SGCZ: variants seen among roughly 807,000 people sequenced by gnomAD.
The protein encoded by SGCZ is sarcoglycan zeta.
A neutral mutation model predicts 41.3 loss-of-function variants in SGCZ; 40 were observed. That is an observed-to-expected ratio of 0.97 (90% CI 0.75 to 1.26). SGCZ has a LOEUF of 1.26. Among genes scored for constraint, SGCZ ranks in the 50% most tolerant of loss-of-function variants. The pLI, the probability that SGCZ is intolerant of heterozygous loss-of-function variation, is 0.00. For missense variants in SGCZ, 552 were observed against 369.8 expected, an observed-to-expected ratio of 1.49 and a Z score of -4.04; for synonymous variants, 206 against 137.5, an observed-to-expected ratio of 1.50 and a Z score of -3.49.
At chr8:15,037,843 T>A (rs1452835566) in intron 1 of SGCZ, among the ~76,000 whole-genome samples, 2 of 152,080 alleles carry the variant, frequency 1.3e-5, no homozygotes, top group South Asian at 4.1e-4. Context: ...ATAAACACTT[T>A]GAAAAATCAA....
intron 4 of SGCZ, among the ~76,000 whole-genome samples, chr8:14,225,525 G>A (rs1259785741): frequency 1.3e-5 from 2 of 152,058 alleles, no homozygotes; most frequent in Non-Finnish European, 2.9e-5. Flanking sequence ...ATAGTCAGGT[G>A]TAATCATAGC....
chr8:15,210,577 A>T (rs1187778864), intron 1 of SGCZ, among the ~76,000 whole-genome samples: 1 of 152,114 alleles, frequency 6.6e-6, no homozygotes, highest in Non-Finnish European at 1.5e-5. Flanking sequence ...TGACTTTGTA[A>T]CCACTCACTT....
At chr8:14,785,645 T>C (rs1465416318) in intron 1 of SGCZ, among the ~76,000 whole-genome samples, 2 of 152,308 alleles carry the variant, frequency 1.3e-5, no homozygotes, top group East Asian at 3.9e-4. Flanking sequence ...ATTTTTGCAG[T>C]ACCATAACTT....
intron 1 of SGCZ, among the ~76,000 whole-genome samples, chr8:14,856,195 G>C (rs1585322179): frequency 6.6e-6 from 1 of 152,142 alleles, no homozygotes; most frequent in Non-Finnish European, 1.5e-5. Context: ...GCTAAGATTA[G>C]TTATTTAGCG....
intron 1 of SGCZ, among the ~76,000 whole-genome samples, chr8:14,626,032 T>A (rs1225973142): frequency 6.6e-6 from 1 of 152,168 alleles, no homozygotes. Context: ...AGGGCAGACA[T>A]ATGAGGAATA....
chr8:14,993,506 T>A (rs903153246), intron 1 of SGCZ, among the ~76,000 whole-genome samples: 2 of 152,016 alleles, frequency 1.3e-5, no homozygotes, highest in African/African-American at 4.8e-5. Context: ...ATGAGTGCTA[T>A]GAAGAAAAAC....
chr8:14,162,439 C>G (rs1350571648), intron 5 of SGCZ: 1 of 152,068 alleles, frequency 6.6e-6, no homozygotes, highest in Non-Finnish European at 1.5e-5. Flanking sequence ...GCATTTCTAC[C>G]CTAAGGAACC....
intron 1 of SGCZ, among the ~76,000 whole-genome samples, chr8:14,618,866 C>T (rs1457211362): frequency 1.3e-5 from 2 of 152,004 alleles, no homozygotes; most frequent in African/African-American, 2.4e-5. Context: ...AAAGATAACA[C>T]CAATATTTGG....
At chr8:14,739,636 C>A (rs887927706) in intron 1 of SGCZ, among the ~76,000 whole-genome samples, 1 of 151,882 alleles carries the variant, frequency 6.6e-6, no homozygotes, top group South Asian at 2.1e-4. Flanking sequence ...ATTAGTCTTC[C>A]TTTTAGAAAA....
chr8:14,273,463 C>G (rs1800124467), intron 3 of SGCZ, among the ~76,000 whole-genome samples: 1 of 152,164 alleles, frequency 6.6e-6, no homozygotes, highest in South Asian at 2.1e-4. Flanking sequence ...ACTCCTCACA[C>G]TCTCCCTAAA....
At chr8:14,295,941 C>G (rs1800996583) in intron 3 of SGCZ, among the ~76,000 whole-genome samples, 1 of 152,104 alleles carries the variant, frequency 6.6e-6, no homozygotes, top group Non-Finnish European at 1.5e-5. Flanking sequence ...TGCACAGGGC[C>G]AGTGCTCTGC....
At chr8:14,831,297 G>C (rs1031822900) in intron 1 of SGCZ, among the ~76,000 whole-genome samples, 6 of 152,142 alleles carry the variant, frequency 3.9e-5, no homozygotes, top group African/African-American at 1.4e-4. Flanking sequence ...ATAGTACATG[G>C]AAACATATTG....
chr8:14,810,969 T>C (rs1486252266), intron 1 of SGCZ, among the ~76,000 whole-genome samples: 2 of 152,080 alleles, frequency 1.3e-5, no homozygotes, highest in Non-Finnish European at 2.9e-5. Flanking sequence ...CAGTAGTTTA[T>C]ATCATTTGGA....
At chr8:14,451,546 G>T (rs1046027448) in intron 2 of SGCZ, among the ~76,000 whole-genome samples, 1 of 152,146 alleles carries the variant, frequency 6.6e-6, no homozygotes, top group Non-Finnish European at 1.5e-5. Flanking sequence ...TCAAGAGATT[G>T]AGAATACAAG....
intron 1 of SGCZ, among the ~76,000 whole-genome samples, chr8:14,967,991 G>A (rs1801175436): frequency 6.6e-6 from 1 of 152,062 alleles, no homozygotes; most frequent in African/African-American, 2.4e-5. Flanking sequence ...GTAAATGAAT[G>A]GGCAATGCAA....
chr8:14,642,922 G>C (rs1201729942), intron 1 of SGCZ, among the ~76,000 whole-genome samples: 2 of 151,494 alleles, frequency 1.3e-5, no homozygotes, highest in Non-Finnish European at 3.0e-5. Flanking sequence ...AAGCTTAAAA[G>C]GGTAGAGATT....
At chr8:15,191,541 C>G (rs889645250) in intron 1 of SGCZ, among the ~76,000 whole-genome samples, 4 of 151,886 alleles carry the variant, frequency 2.6e-5, no homozygotes, top group African/African-American at 9.7e-5. Flanking sequence ...ATCTCAAATT[C>G]TCCTTAAATA....
intron 1 of SGCZ, among the ~76,000 whole-genome samples, chr8:15,115,228 A>G (rs1027846156): frequency 4.6e-5 from 7 of 152,168 alleles, no homozygotes; most frequent in African/African-American, 1.7e-4. Flanking sequence ...GAGCTATCAA[A>G]GGCAGGGCAG....
intron 2 of SGCZ, among the ~76,000 whole-genome samples, chr8:14,425,668 A>T (rs1410091621): frequency 2.0e-5 from 3 of 152,048 alleles, no homozygotes; most frequent in Non-Finnish European, 4.4e-5. Context: ...CATCTTACAA[A>T]TGTATTACAG....
Sources: gnomAD v4.1 joint callset for allele counts (sites outside exome capture counted in the v4.1 genomes callset) on GRCh38, gnomAD v4.1.1 for gene constraint, MANE v1.5 for transcripts, NCBI Gene and HGNC (gene_info 2026-07-23, HGNC 2026-07-21) for gene names.